The following LAMC2 variants were observed in gnomAD, a reference collection of about 807,000 sequenced individuals.
LAMC2 encodes the protein laminin subunit gamma 2.
In LAMC2, 97 loss-of-function variants were observed where a neutral mutation model predicts 140.2. The observed-to-expected ratio is 0.69, with a 90% CI of 0.59 to 0.82. The LOEUF (loss-of-function observed/expected upper bound fraction) is 0.82. Ranked by LOEUF, LAMC2 falls within the 40% of genes least tolerant of loss-of-function variation. The pLI is 0.00. For synonymous variants in LAMC2, 513 were observed against 540.2 expected, an observed-to-expected ratio of 0.95 and a Z score of 0.70; for missense variants, 1,402 against 1,476.1, an observed-to-expected ratio of 0.95 and a Z score of 0.82.
chr1:183,240,037 C>T lies in LAMC2; in HGVS notation c.3070-3C>T. The stretch of plus-strand genomic sequence containing the variant: ...CCGTCCCTGGCTCCTTTTCTTCTCT[C>T]AGGAGATTGGGAGTCTGAACTTGGA... On this transcript the variant is annotated splice_region_variant and splice_polypyrimidine_tract_variant and intron_variant, in intron 20 of 22. Transcript: ENST00000264144. 6.2e-7 allele frequency: 1 copy of T among 1,614,140 alleles called. No individual in the cohort carries two copies. Among genetic ancestry groups the T allele is most frequent in the South Asian group, 1.1e-5 (1 of 91,080 alleles).
rs139534289 is a variant in LAMC2, at chr1:183,237,479, T to C, written c.2729T>C (p.Leu910Ser). 3 of 1,614,106 alleles carry C rather than the reference T, an allele frequency of 1.9e-6. No homozygotes were observed. Among genetic ancestry groups the C allele is most frequent in the Non-Finnish European group, 2.5e-6 (3 of 1,179,960 alleles). The change falls in exon 18 of 23, where the codon TTA (leucine) becomes TCA (serine). Residue 910 changes from leucine (L) to serine (S), a missense_variant. Leu to Ser is a moderately radical substitution (Grantham distance 145). Around this residue, in one of 3 missense-constraint regions of LAMC2, gnomAD observed 670 missense variants for 667.2 expected, o/e 1.00. Coordinates refer to ENST00000264144, the MANE Select transcript of LAMC2 (RefSeq NM_005562.3). ...TGGAAAGAAGAAGCACAGCAGCTCT[T>C]ACAGAATGGAAAAAGTGGGAGAGAG... ...GNWKEEAQQL[L>S]QNGKSGREKS... is the part of the protein sequence containing the mutation.
chr1:183,196,944 G>A (rs1289910809), intron 1 of LAMC2, among the ~76,000 whole-genome samples: 1 of 152,204 alleles, frequency 6.6e-6, no homozygotes, highest in Non-Finnish European at 1.5e-5. Flanking sequence ...TATGAAATTA[G>A]GCTGGAAAAG....
chr1:183,207,905 G>A lies in LAMC2; in HGVS notation c.104G>A (p.Arg35Lys), dbSNP rs947052612. ...REVCDCNGKSRQCIFDRELHR... is the reference protein window; with the variant it reads ...REVCDCNGKSKQCIFDRELHR... Reference sequence around the variant, plus strand: ...GTCTGTGATTGCAATGGGAAGTCCAGGCAGTGTATCTTTGATCGGGAACTT... The same window carrying A: ...GTCTGTGATTGCAATGGGAAGTCCAAGCAGTGTATCTTTGATCGGGAACTT... The change falls in exon 2 of 23, where the codon AGG (arginine) becomes AAG (lysine). Residue 35 changes from arginine to lysine, a missense_variant. Coordinates refer to ENST00000264144, the MANE Select transcript of LAMC2 (RefSeq NM_005562.3). 6.2e-7 allele frequency: 1 copy of A among 1,611,432 alleles called. No homozygotes were observed. Among genetic ancestry groups the A allele is most frequent in the African/African-American group, 1.4e-5 (1 of 73,894 alleles).
chr1:183,221,306 C>CT (rs777417093), intron 5 of LAMC2, among the ~76,000 whole-genome samples: 1 of 152,164 alleles, frequency 6.6e-6, no homozygotes, highest in Non-Finnish European at 1.5e-5. Flanking sequence ...TTCACGTTCA[C>CT]TAATAATGCT....
At chr1:183,252,351 A>G in the LAMC2 span, 6 of 397,994 alleles carry the variant, frequency 1.5e-5, no homozygotes, top group South Asian at 1.5e-4. Flanking sequence ...GCCTCTCTAG[A>G]GCATGCTGGG....
Position 183,202,932 on chromosome 1 carries a change from A to T in LAMC2, c.80-4949A>T, listed in dbSNP as rs764345743. Among the ~76,000 whole-genome samples, 106 of 152,228 alleles carry T rather than the reference A, an allele frequency of 7.0e-4. 1 individual carries two copies. Among genetic ancestry groups the T allele is most frequent in the Non-Finnish European group, 1.3e-3 (88 of 68,048 alleles). Reference sequence around the variant, plus strand: ...TGGGTTTTTTAAAGTTCAACAGAACATTCATTCATTCATTTGTTTGTTAAA... The same window carrying T: ...TGGGTTTTTTAAAGTTCAACAGAACTTTCATTCATTCATTTGTTTGTTAAA... On this transcript the variant is annotated intron_variant, in intron 1 of 22. Coordinates refer to ENST00000264144, the MANE Select transcript of LAMC2 (RefSeq NM_005562.3).
At chr1:183,221,915 G>C (rs1040789195) in intron 5 of LAMC2, among the ~76,000 whole-genome samples, 174 bp from the exon 6 acceptor site, 1 of 152,146 alleles carries the variant, frequency 6.6e-6, no homozygotes, top group African/African-American at 2.4e-5. Flanking sequence ...GAAGTTGAGA[G>C]CCACATAGAG....
the LAMC2 span, among the ~76,000 whole-genome samples, chr1:183,255,662 GT>G: frequency 0.63 from 63,689 of 100,650 alleles, 18,965 homozygotes; most frequent in Middle Eastern, 0.8. Context: ...ATTCCTAAGG[GT>G]TTTTTTTTTT....
At chr1:183,205,632 C>T (rs1658858896) in intron 1 of LAMC2, among the ~76,000 whole-genome samples, 1 of 152,168 alleles carries the variant, frequency 6.6e-6, no homozygotes, top group Non-Finnish European at 1.5e-5. Context: ...GGTTGAAAGA[C>T]TTGGAGATGA....
chr1:183,247,269 G>A (rs1363475720), downstream of LAMC2, among the ~76,000 whole-genome samples: 1 of 152,090 alleles, frequency 6.6e-6, no homozygotes, highest in South Asian at 2.1e-4. Flanking sequence ...CCGAGATCGC[G>A]CCATTGCACT....
At chr1:183,204,853 G>C (rs1658833454) in intron 1 of LAMC2, among the ~76,000 whole-genome samples, 1 of 150,756 alleles carries the variant, frequency 6.6e-6, no homozygotes. Flanking sequence ...ACAGAATTTT[G>C]CTCTTGTCAC....
intron 16 of LAMC2, 108 bp downstream of exon 16, chr1:183,235,838 T>G: frequency 9.0e-7 from 1 of 1,116,082 alleles, no homozygotes; most frequent in East Asian, 2.6e-5. Context: ...AACATATTAT[T>G]AATGATAATA....
chr1:183,234,264 T>TA (rs1659884787), intron 14 of LAMC2, 103 bp from the exon 15 acceptor site: 1 of 803,314 alleles, frequency 1.2e-6, no homozygotes, highest in Non-Finnish European at 2.2e-6. Flanking sequence ...CCTGTGTGGC[T>TA]AATGACAAGT....
chr1:183,198,623 T>C (rs919323067), intron 1 of LAMC2, among the ~76,000 whole-genome samples: 1 of 152,226 alleles, frequency 6.6e-6, no homozygotes, highest in African/African-American at 2.4e-5. Context: ...TTAAACATGA[T>C]GCTCAAATTC....
rs766415838 is a variant in LAMC2 at position 183,207,889 on chromosome 1, T to G, written c.88T>G (p.Cys30Gly). Residue 30 changes from cysteine to glycine, a missense_variant, in exon 2 of 23, where the codon TGC (cysteine) becomes GGC (glycine). Coordinates refer to ENST00000264144, the MANE Select transcript of LAMC2 (RefSeq NM_005562.3). Reference sequence around the variant, plus strand: ...GTATGCTTCCTCCCCAGTCTGTGATTGCAATGGGAAGTCCAGGCAGTGTAT... The same window carrying G: ...GTATGCTTCCTCCCCAGTCTGTGATGGCAATGGGAAGTCCAGGCAGTGTAT... ...RATSRREVCD[C>G]NGKSRQCIFD... The G allele has an allele frequency of 6.2e-7, 1 of 1,612,524 alleles. No individual in the cohort carries two copies. The highest frequency in any genetic ancestry group is 1.1e-5 in the South Asian group (1 of 91,040).
intron 22 of LAMC2, 23 bp downstream of exon 22, chr1:183,240,414 A>G (rs775705866): frequency 1.2e-6 from 2 of 1,613,816 alleles, no homozygotes; most frequent in Non-Finnish European, 1.7e-6. Flanking sequence ...ACAACCCACA[A>G]CCTTCCAGCT....
chr1:183,222,303 T>A, intron 6 of LAMC2, 92 bp downstream of exon 6: 1 of 1,417,802 alleles, frequency 7.1e-7, no homozygotes, highest in South Asian at 1.2e-5. Flanking sequence ...GGAAACCATA[T>A]AACTTTGGGT....
intron 1 of LAMC2, among the ~76,000 whole-genome samples, chr1:183,194,338 A>T (rs1443972014): frequency 1.3e-5 from 2 of 152,026 alleles, no homozygotes; most frequent in East Asian, 3.8e-4. Flanking sequence ...ATGAATTACC[A>T]TTGTTCTTTT....
rs369992487 is a variant in LAMC2 at position 183,226,815 on chromosome 1, A to G, written c.1184A>G (p.Asp395Gly). The G allele has an allele frequency of 5.0e-6, 8 of 1,614,054 alleles. No homozygotes were observed. The highest frequency in any genetic ancestry group is 1.3e-5 in the African/African-American group (1 of 74,908). ...PVGYKGQFCQ[D>G]CASGYKRDSA... is the part of the protein sequence containing the mutation. ...GGGTACAAGGGGCAATTCTGCCAGG[A>G]TTGTGCTTCTGGCTACAAGAGAGAT... is the stretch of plus-strand genomic sequence containing the variant. The change falls in exon 9 of 23, where the codon GAT becomes GGT. Residue 395 changes from aspartate (D) to glycine (G), a missense_variant. Transcript: ENST00000264144.
Sources: allele counts gnomAD v4.1 joint callset (sites outside exome capture counted in the v4.1 genomes callset), GRCh38; gene constraint gnomAD v4.1.1; regional missense constraint gnomAD v4.1.1; transcripts MANE v1.5; gene names NCBI Gene and HGNC (gene_info 2026-07-23, HGNC 2026-07-21).